PRKG1: variants seen among roughly 807,000 people sequenced by gnomAD.
PRKG1 encodes the protein cGMP-dependent protein kinase 1.
In PRKG1, 35 loss-of-function variants were observed where a neutral mutation model predicts 88.1. That is an observed-to-expected ratio of 0.40 (90% confidence interval 0.30 to 0.53). PRKG1 has a LOEUF of 0.53. PRKG1 is among the 20% of genes least tolerant of loss of function. The pLI is 0.59. For missense variants in PRKG1, 540 were observed against 839.8 expected, an observed-to-expected ratio of 0.64 and a Z score of 4.41; for synonymous variants, 303 against 292.5, an observed-to-expected ratio of 1.04 and a Z score of -0.37.
At chr10:51,204,971 C>T (rs1161508935) in intron 2 of PRKG1, among the ~76,000 whole-genome samples, 1 of 151,924 alleles carries the variant, frequency 6.6e-6, no homozygotes, top group Non-Finnish European at 1.5e-5. Flanking sequence ...TGTGTACTTT[C>T]CCATGCTGTT....
At chr10:51,543,574 G>A (rs1233015808) in intron 3 of PRKG1, among the ~76,000 whole-genome samples, 2 of 152,148 alleles carry the variant, frequency 1.3e-5, no homozygotes, top group African/African-American at 4.8e-5. Flanking sequence ...TTTTGCAGAT[G>A]GCAGCAAAGC....
intron 3 of PRKG1, among the ~76,000 whole-genome samples, chr10:51,562,315 G>T (rs926107594): frequency 6.6e-6 from 1 of 151,978 alleles, no homozygotes; most frequent in Admixed American, 6.6e-5. Flanking sequence ...GTTTGTGGTA[G>T]TTATTTATAA....
chr10:52,008,545 G>A (rs1179259466), intron 5 of PRKG1, among the ~76,000 whole-genome samples: 1 of 151,912 alleles, frequency 6.6e-6, no homozygotes, highest in Non-Finnish European at 1.5e-5. Flanking sequence ...TAAATTCCTG[G>A]ACACATACAA....
chr10:51,979,425 T>TTTTTTTTTTTTTC (rs1843943867), intron 5 of PRKG1, among the ~76,000 whole-genome samples: 2 of 139,294 alleles, frequency 1.4e-5, no homozygotes, highest in East Asian at 2.1e-4. Flanking sequence ...TTTTTTTTTT[T>TTTTTTTTTTTTTC]TTTTTTTTTC....
chr10:51,406,915 G>A lies in PRKG1; in HGVS notation c.479-60808G>A, dbSNP rs184546420. ...CACAATCAGCCGTCTGCAAGCTGAC[G>A]AGCAAGGAGGACCAGTCCGAGTTCC... On this transcript the variant is annotated intron_variant, in intron 2 of 17. Transcript: ENST00000373980. Among the ~76,000 whole-genome samples, 255 of 152,298 alleles carry A rather than the reference G, an allele frequency of 1.7e-3. 1 individual carries two copies. The highest frequency in any genetic ancestry group is 5.9e-3 in the African/African-American group (246 of 41,570).
intron 1 of PRKG1, among the ~76,000 whole-genome samples, chr10:51,135,958 A>G (rs1426673280): frequency 8.7e-5 from 7 of 80,024 alleles, no homozygotes; most frequent in African/African-American, 3.6e-4. Context: ...CACTCTGGGG[A>G]CTGTTGTGGG....
intron 3 of PRKG1, among the ~76,000 whole-genome samples, chr10:51,554,299 T>C (rs1285934404): frequency 6.9e-6 from 1 of 145,706 alleles, no homozygotes; most frequent in Non-Finnish European, 1.5e-5. Flanking sequence ...TATATATGTA[T>C]ATATAATATG....
At chr10:51,795,341 T>C (rs768347998) in intron 3 of PRKG1, among the ~76,000 whole-genome samples, 11 of 152,160 alleles carry the variant, frequency 7.2e-5, no homozygotes, top group Admixed American at 5.2e-4. Context: ...ATGATTCTTA[T>C]CTGCAGTGTC....
intron 1 of PRKG1, among the ~76,000 whole-genome samples, chr10:51,059,664 T>A (rs921506159): frequency 6.6e-6 from 1 of 152,214 alleles, no homozygotes; most frequent in African/African-American, 2.4e-5. Flanking sequence ...ATTTCCAGTT[T>A]AATTCTTCTG....
chr10:51,352,688 C>G (rs538384806), intron 2 of PRKG1, among the ~76,000 whole-genome samples: 1 of 152,156 alleles, frequency 6.6e-6, no homozygotes, highest in South Asian at 2.1e-4. Context: ...AAATACTACT[C>G]AAAGCAATCT....
chr10:51,851,916 G>A (rs1275952066), intron 4 of PRKG1, among the ~76,000 whole-genome samples: 3 of 152,050 alleles, frequency 2.0e-5, no homozygotes, highest in Non-Finnish European at 4.4e-5. Flanking sequence ...TGTGGCCTTA[G>A]CAGTAAAGAC....
chr10:52,233,337 C>T (rs1225538993), intron 9 of PRKG1, among the ~76,000 whole-genome samples: 5 of 150,056 alleles, frequency 3.3e-5, no homozygotes, highest in East Asian at 1.9e-4. Flanking sequence ...ATAATAGCTC[C>T]GGTCTACAGC....
chr10:52,229,654 GATTCTGTATCT>G (rs1840476940), intron 9 of PRKG1, among the ~76,000 whole-genome samples: 1 of 152,174 alleles, frequency 6.6e-6, no homozygotes, highest in Non-Finnish European at 1.5e-5. Context: ...CCTGTTGCCT[GATTCTGTATCT>G]ATTGCCTGAC....
At chr10:51,699,947 C>T (rs1308609772) in intron 3 of PRKG1, among the ~76,000 whole-genome samples, 7 of 152,252 alleles carry the variant, frequency 4.6e-5, no homozygotes, top group African/African-American at 1.4e-4. Flanking sequence ...TGCTTCCGTT[C>T]CGCTGGCGGG....
chr10:51,903,154 T>C (rs1174514184), intron 4 of PRKG1, among the ~76,000 whole-genome samples: 1 of 152,142 alleles, frequency 6.6e-6, no homozygotes, highest in Non-Finnish European at 1.5e-5. Context: ...CTCTTCAAAA[T>C]GTCAGTGTCA....
At chr10:51,632,629 G>A (rs919422260) in intron 3 of PRKG1, among the ~76,000 whole-genome samples, 1 of 152,130 alleles carries the variant, frequency 6.6e-6, no homozygotes, top group African/African-American at 2.4e-5. Context: ...TCACTGTAAG[G>A]TGTTTCCTAA....
intron 3 of PRKG1, among the ~76,000 whole-genome samples, chr10:51,785,022 C>T (rs1838692338): frequency 6.7e-6 from 1 of 149,482 alleles, no homozygotes; most frequent in Non-Finnish European, 1.5e-5. Flanking sequence ...GTTATTCTTT[C>T]TTCCTTCTTT....
intron 7 of PRKG1, among the ~76,000 whole-genome samples, chr10:52,123,301 AT>A (rs1202851636): frequency 1.3e-5 from 2 of 152,214 alleles, no homozygotes; most frequent in African/African-American, 4.8e-5. Context: ...GTGAATTCAT[AT>A]AATGAATGGA....
In PRKG1 at chr10:51,343,927, T is replaced by C. The variant is rs189898592; in HGVS notation, c.479-123796T>C. On this transcript the variant is annotated intron_variant, in intron 2 of 17. Transcript: ENST00000373980. ...GGGAATCAACTGGTAGAGAGATTTG[T>C]TTTTTAAATACTAAAGGAAAAGCCT... is the stretch of plus-strand genomic sequence containing the variant. 5.0e-3 allele frequency among the ~76,000 whole-genome samples: 765 copies of C among 152,278 alleles called. 5 individuals are homozygous for C. The highest frequency in any genetic ancestry group is 0.018 in the African/African-American group (732 of 41,548).
Sources: allele counts gnomAD v4.1 joint callset (sites outside exome capture counted in the v4.1 genomes callset), GRCh38; gene constraint gnomAD v4.1.1; transcripts MANE v1.5; gene names NCBI Gene and HGNC (gene_info 2026-07-23, HGNC 2026-07-21).